ERC2: variants seen among roughly 807,000 people sequenced by gnomAD.
The protein encoded by ERC2 is ELKS/RAB6-interacting/CAST family member 2.
A neutral mutation model predicts 114.8 loss-of-function variants in ERC2; 42 were observed. That is an observed-to-expected ratio of 0.37 (90% confidence interval 0.29 to 0.47). ERC2 has a LOEUF of 0.47. ERC2 is among the 20% of genes least tolerant of loss of function. ERC2 has a pLI of 0.99. For missense variants in ERC2, 939 were observed against 1,150.7 expected, an observed-to-expected ratio of 0.82 and a Z score of 2.66; for synonymous variants, 454 against 425.5, an observed-to-expected ratio of 1.07 and a Z score of -0.82.
chr3:56,318,518 C>T (rs1377203025), intron 2 of ERC2, among the ~76,000 whole-genome samples: 1 of 151,364 alleles, frequency 6.6e-6, no homozygotes, highest in African/African-American at 2.4e-5. Context: ...ATGGAGAAAA[C>T]ATTTGCAAAC....
rs143829233 is a variant in ERC2, at chr3:55,626,922, A to G, written c.*39+56872T>C. ...ATCTACTCACTTCACAGGACATTGT[A>G]CAGGTCAAATGGATTAGTGCATATA... is the stretch of plus-strand genomic sequence containing the variant. On this transcript the variant is annotated intron_variant, in intron 17 of 17. Coordinates refer to ENST00000288221, the MANE Select transcript of ERC2 (RefSeq NM_015576.3). Among the ~76,000 whole-genome samples, 572 of 152,376 alleles carry G rather than the reference A, an allele frequency of 3.8e-3. 3 individuals are homozygous for G. The highest frequency in any genetic ancestry group is 0.013 in the African/African-American group (538 of 41,586).
chr3:55,860,692 T>G lies in ERC2; in HGVS notation c.2564+27697A>C, dbSNP rs890403689. On this transcript the variant is annotated intron_variant, in intron 14 of 17. Transcript: ENST00000288221. ...TCCCCTGCTAATGAGGTAAGAGTTG[T>G]GAGCTTTGAGTAGGAATTGCTGATC... Among the ~76,000 whole-genome samples, 5 of 152,168 alleles carry G rather than the reference T, an allele frequency of 3.3e-5. No individual in the cohort carries two copies. The South Asian group carries it at 8.3e-4, about 25-fold the overall frequency.
rs530239742 is a variant in ERC2 at position 56,374,183 on chromosome 3, A to G, written c.657+60168T>C. On this transcript the variant is annotated intron_variant, in intron 2 of 17. Transcript: ENST00000288221. The stretch of plus-strand genomic sequence containing the variant: ...GAGATCTCAGCTCACTGTAACCTCC[A>G]CCTTCCAGGTTCACGCCATTCTCCT... Among the ~76,000 whole-genome samples the G allele has an allele frequency of 2.0e-5, 3 of 152,160 alleles. No homozygotes were observed. The South Asian group carries it at 6.2e-4, about 32-fold the overall frequency.
intron 3 of ERC2, among the ~76,000 whole-genome samples, chr3:56,273,379 A>G (rs2053787862): frequency 6.7e-6 from 1 of 149,292 alleles, no homozygotes; most frequent in Non-Finnish European, 1.5e-5. Flanking sequence ...ACATCTTCCC[A>G]AGTACCAAGG....
chr3:56,396,807 G>T (rs1010758930), intron 2 of ERC2, among the ~76,000 whole-genome samples: 4 of 152,102 alleles, frequency 2.6e-5, no homozygotes, highest in Non-Finnish European at 5.9e-5. Context: ...CTGAAGCATG[G>T]GGAGGAGGGT....
chr3:55,748,863 G>T (rs1004005738), intron 14 of ERC2, among the ~76,000 whole-genome samples: 9 of 152,106 alleles, frequency 5.9e-5, no homozygotes, highest in Non-Finnish European at 1.2e-4. Context: ...CTTTTTTATG[G>T]GTCAGAAACA....
At chr3:56,072,862 A>C (rs2076804393) in intron 7 of ERC2, among the ~76,000 whole-genome samples, 2 of 152,140 alleles carry the variant, frequency 1.3e-5, no homozygotes, top group South Asian at 4.1e-4. Context: ...TATTCCTATT[A>C]CATGTTCCCT....
intron 17 of ERC2, among the ~76,000 whole-genome samples, chr3:55,600,039 C>T (rs1386213807): frequency 1.3e-5 from 2 of 152,124 alleles, no homozygotes; most frequent in African/African-American, 4.8e-5. Flanking sequence ...GTAATGGAAT[C>T]AAAGCCAGCA....
chr3:56,467,897 G>A (rs2063622481), intron 1 of ERC2, among the ~76,000 whole-genome samples: 1 of 152,056 alleles, frequency 6.6e-6, no homozygotes. Flanking sequence ...CAGAAGAGGG[G>A]GATCTGAGAG....
intron 2 of ERC2, among the ~76,000 whole-genome samples, chr3:56,380,181 C>T (rs2059695824): frequency 6.6e-6 from 1 of 152,112 alleles, no homozygotes; most frequent in African/African-American, 2.4e-5. Flanking sequence ...TACATTATCT[C>T]ACTTATTCTT....
chr3:56,065,829 G>A (rs1440158138), intron 7 of ERC2, among the ~76,000 whole-genome samples: 2 of 152,078 alleles, frequency 1.3e-5, no homozygotes, highest in African/African-American at 2.4e-5. Flanking sequence ...TTAGTTTGCT[G>A]AGGATGATGG....
intron 17 of ERC2, among the ~76,000 whole-genome samples, chr3:55,531,847 G>A (rs1377493530): frequency 6.6e-6 from 1 of 152,194 alleles, no homozygotes; most frequent in Non-Finnish European, 1.5e-5. Flanking sequence ...CAACATATTT[G>A]AAGAGTTTTA....
At chr3:56,121,185 A>T (rs2079553123) in intron 6 of ERC2, among the ~76,000 whole-genome samples, 1 of 152,166 alleles carries the variant, frequency 6.6e-6, no homozygotes, top group South Asian at 2.1e-4. Context: ...ATTTACTAAG[A>T]CAAAACTTAG....
At chr3:55,983,891 TTA>T (rs1391575712) in intron 12 of ERC2, among the ~76,000 whole-genome samples, 6 of 152,220 alleles carry the variant, frequency 3.9e-5, no homozygotes, top group Non-Finnish European at 7.3e-5. Context: ...ACATTTTATC[TTA>T]TTTTAACTGG....
chr3:55,675,899 C>CTTTTTTT (rs2061771739), intron 17 of ERC2, among the ~76,000 whole-genome samples: 1 of 58,120 alleles, frequency 1.7e-5, no homozygotes, highest in South Asian at 6.7e-4. Flanking sequence ...TTTCTCTTTT[C>CTTTTTTT]TTTCTTTTTT....
intron 17 of ERC2, among the ~76,000 whole-genome samples, chr3:55,560,049 G>A (rs1350296507): frequency 6.6e-6 from 1 of 152,144 alleles, no homozygotes; most frequent in African/African-American, 2.4e-5. Flanking sequence ...GTACTTCTCC[G>A]GAGTAGTGCA....
chr3:56,429,288 C>A (rs1379005894), intron 2 of ERC2, among the ~76,000 whole-genome samples: 2 of 152,210 alleles, frequency 1.3e-5, no homozygotes, highest in Non-Finnish European at 2.9e-5. Flanking sequence ...TAACACCTAT[C>A]CCAACAGCAC....
intron 17 of ERC2, among the ~76,000 whole-genome samples, chr3:55,637,799 A>C (rs2060019049): frequency 6.6e-6 from 1 of 152,124 alleles, no homozygotes; most frequent in East Asian, 1.9e-4. Flanking sequence ...AGAATTTGTT[A>C]ATAAAGAAAA....
In ERC2 at chr3:55,720,239, T is replaced by TTC. The variant is rs1285257457; in HGVS notation, c.2712+14530_2712+14531dup. On this transcript the variant is annotated intron_variant, in intron 15 of 17. Coordinates refer to ENST00000288221, the MANE Select transcript of ERC2 (RefSeq NM_015576.3). ...CTTCTTCTTCTTCTTCTTCTTCTTC[T>TTC]TCTCTCTCTCTCTCTCTCTCTCTGT... Among the ~76,000 whole-genome samples the TTC allele has an allele frequency of 1.2e-3, 15 of 12,056 alleles. 6 individuals carry two copies. The highest frequency in any genetic ancestry group is 8.3e-3 in the African/African-American group (11 of 1,320). The allele number at this position is 12,056 out of a possible 152,430, so 7.9% of individuals were successfully genotyped here.
Sources: allele counts gnomAD v4.1 joint callset (sites outside exome capture counted in the v4.1 genomes callset), GRCh38; gene constraint gnomAD v4.1.1; transcripts MANE v1.5; gene names NCBI Gene and HGNC (gene_info 2026-07-23, HGNC 2026-07-21).